CNTRL: variants seen among roughly 807,000 people sequenced by gnomAD.
CNTRL encodes 110 kDa centrosomal protein.
In CNTRL, 233 loss-of-function variants were observed where a neutral mutation model predicts 303.7. The observed-to-expected ratio is 0.77, with a 90% CI of 0.69 to 0.86. The LOEUF (loss-of-function observed/expected upper bound fraction) is 0.86. Among genes scored for constraint, CNTRL ranks in the 40% least tolerant of loss-of-function variants. The probability of loss-of-function intolerance (pLI) is 0.00; values close to 1 mark genes in which losing one functional copy is unlikely to be tolerated. For missense variants in CNTRL, 2,524 were observed against 2,650.6 expected, an observed-to-expected ratio of 0.95 and a Z score of 1.05; for synonymous variants, 900 against 922.2, an observed-to-expected ratio of 0.98 and a Z score of 0.44.
intron 7 of CNTRL, among the ~76,000 whole-genome samples, chr9:121,099,903 A>C (rs1424678602): frequency 6.6e-6 from 1 of 152,220 alleles, no homozygotes; most frequent in Non-Finnish European, 1.5e-5. Context: ...GAAATATGGG[A>C]CTATGTGAAA....
intron 43 of CNTRL, among the ~76,000 whole-genome samples, chr9:121,176,581 G>A (rs995727868): frequency 1.3e-5 from 2 of 152,158 alleles, no homozygotes; most frequent in African/African-American, 4.8e-5. Context: ...GAGTGCACAA[G>A]GGCTTAAAAG....
intron 22 of CNTRL, among the ~76,000 whole-genome samples, chr9:121,145,863 C>G (rs2051819164): frequency 6.6e-6 from 1 of 152,166 alleles, no homozygotes; most frequent in Non-Finnish European, 1.5e-5. Context: ...GGCCGCTGCA[C>G]TCCAGACTGG....
intron 16 of CNTRL, among the ~76,000 whole-genome samples, chr9:121,139,101 GTAAA>G (rs1442796036): frequency 2.0e-5 from 3 of 152,046 alleles, no homozygotes; most frequent in Non-Finnish European, 4.4e-5. Context: ...TTTCTTATCT[GTAAA>G]TAGTTTTCAC....
At chr9:121,151,690 C>G (rs2052272688) in intron 25 of CNTRL, among the ~76,000 whole-genome samples, 1 of 152,156 alleles carries the variant, frequency 6.6e-6, no homozygotes. Context: ...TGCGCCCAGC[C>G]TCATTAGATT....
rs1318524172 is a variant in CNTRL at position 121,157,786 on chromosome 9, C to T, written c.4543C>T (p.Gln1515Ter). The T allele has an allele frequency of 6.2e-7, 1 of 1,614,088 alleles. No individual in the cohort carries two copies. ...AKDLEQHKIKQEEILKEINKI... is the reference protein window; with the variant it reads ...AKDLEQHKIK ...GGATTTGGAGCAGCACAAAATCAAG[C>T]AAGAAGAAATCTTGAAAGAAATAAA... Residue 1515 changes from glutamine to a stop codon, truncating the protein, a stop_gained, in exon 29 of 44, where the codon CAA becomes TAA. Coordinates refer to ENST00000373855, the MANE Select transcript of CNTRL (RefSeq NM_007018.6). LOFTEE classifies it high-confidence loss of function.
At chr9:121,131,464 T>G (rs2050852334) in intron 14 of CNTRL, among the ~76,000 whole-genome samples, 2 of 152,354 alleles carry the variant, frequency 1.3e-5, no homozygotes, top group South Asian at 2.1e-4. Context: ...CCCTGCTTTT[T>G]TTTGCTTTCC....
chr9:121,142,553 T>A (rs2051578301), intron 19 of CNTRL, among the ~76,000 whole-genome samples: 1 of 152,230 alleles, frequency 6.6e-6, no homozygotes, highest in South Asian at 2.1e-4. Flanking sequence ...TTTGACTCCT[T>A]TGAAACCTCT....
chr9:121,152,553 G>A lies in CNTRL; in HGVS notation c.4032G>A (p.Trp1344Ter), dbSNP rs375854316. The change falls in exon 26 of 44, where the codon TGG becomes TGA. Residue 1344 changes from tryptophan (W) to a stop codon, truncating the protein, a stop_gained. Transcript: ENST00000373855. LOFTEE classifies it high-confidence loss of function. ...AATCAAAGAAGCGGGAAGAAAGGTG[G>A]ATGAGAGCATCCAAGCGGCAGTCGG... ...HLKSKKREERWMRASKRQSEK... is the reference protein window; with the variant it reads ...HLKSKKREER 5 of 1,613,990 alleles carry A rather than the reference G, an allele frequency of 3.1e-6. No individual in the cohort carries two copies. Among genetic ancestry groups the A allele is most frequent in the Admixed American group, 3.3e-5 (2 of 59,984 alleles).
At chr9:121,104,164 G>A (rs1017501594) in intron 7 of CNTRL, among the ~76,000 whole-genome samples, 11 of 152,208 alleles carry the variant, frequency 7.2e-5, no homozygotes, top group African/African-American at 2.7e-4. Flanking sequence ...AGAAAATGTG[G>A]CACATATACA....
intron 16 of CNTRL, among the ~76,000 whole-genome samples, chr9:121,139,272 G>A (rs963891943): frequency 6.6e-6 from 1 of 152,184 alleles, no homozygotes; most frequent in Non-Finnish European, 1.5e-5. Context: ...AACTCTCGAA[G>A]AAGACAGATG....
chr9:121,081,874 T>G (rs559278274), intron 2 of CNTRL, among the ~76,000 whole-genome samples: 1 of 152,318 alleles, frequency 6.6e-6, no homozygotes, highest in African/African-American at 2.4e-5. Context: ...TGCTCTCCCC[T>G]CCTTAAAGGT....
intron 27 of CNTRL, among the ~76,000 whole-genome samples, chr9:121,156,042 CAT>C (rs2052549938): frequency 6.6e-6 from 1 of 151,682 alleles, no homozygotes; most frequent in Non-Finnish European, 1.5e-5. Flanking sequence ...CTTCTGTTGT[CAT>C]ATGTTGGATT....
intron 4 of CNTRL, among the ~76,000 whole-genome samples, 170 bp from the exon 5 acceptor site, chr9:121,094,718 T>G (rs925065461): frequency 1.3e-4 from 20 of 152,114 alleles, no homozygotes; most frequent in Non-Finnish European, 2.9e-4. Flanking sequence ...TTGAGTAGAG[T>G]TATTACTCCT....
intron 15 of CNTRL, among the ~76,000 whole-genome samples, chr9:121,137,481 A>T (rs2051261450): frequency 6.6e-6 from 1 of 152,236 alleles, no homozygotes; most frequent in Non-Finnish European, 1.5e-5. Flanking sequence ...TGAAATAAAT[A>T]AGATATTTTG....
intron 40 of CNTRL, among the ~76,000 whole-genome samples, chr9:121,172,146 C>G (rs2053333374): frequency 6.6e-6 from 1 of 152,146 alleles, no homozygotes; most frequent in African/African-American, 2.4e-5. Context: ...TCCCCTGATG[C>G]CCCACATATA....
chr9:121,140,520 T>G lies in CNTRL; in HGVS notation c.2338-121T>G, dbSNP rs1045158614. The G allele has an allele frequency of 1.3e-5, 11 of 836,442 alleles. No individual in the cohort carries two copies. In the Admixed American group the frequency reaches 2.9e-4, roughly 22 times the overall value. The allele number at this position is 836,442 out of a possible 1,614,324, so 51.8% of individuals were successfully genotyped here. ...TCATACGGAAATTTTAGAAATTTCT[T>G]TTTACTTGAAAGAGGCATTGTCTGA... On this transcript the variant is annotated intron_variant, in intron 16 of 43. Coordinates refer to ENST00000373855, the MANE Select transcript of CNTRL (RefSeq NM_007018.6).
At chr9:121,094,832 T>C (rs1427521480) in intron 4 of CNTRL, 56 bp from the exon 5 acceptor site, 68 of 1,302,902 alleles carry the variant, frequency 5.2e-5, no homozygotes, top group Middle Eastern at 2.4e-4. Flanking sequence ...GTAAATGTTG[T>C]ACTTTATGTC....
chr9:121,154,240 T>G (rs541337212), intron 26 of CNTRL, among the ~76,000 whole-genome samples: 7 of 152,372 alleles, frequency 4.6e-5, no homozygotes, highest in African/African-American at 1.7e-4. Flanking sequence ...TATTGAATTG[T>G]GTGTCACAGT....
chr9:121,096,644 G>T, intron 6 of CNTRL, 81 bp downstream of exon 6: 1 of 1,167,682 alleles, frequency 8.6e-7, no homozygotes, highest in Non-Finnish European at 1.1e-6. Flanking sequence ...TTAAAAATGG[G>T]ATTTCTTCTT....
Sources: gnomAD v4.1 joint callset for allele counts (sites outside exome capture counted in the v4.1 genomes callset) on GRCh38, gnomAD v4.1.1 for gene constraint, MANE v1.5 for transcripts, NCBI Gene and HGNC (gene_info 2026-07-23, HGNC 2026-07-21) for gene names.